SS18L1: variants seen among roughly 807,000 people sequenced by gnomAD.
SS18L1 encodes calcium-responsive transactivator.
Under a neutral mutation model 70.3 loss-of-function variants are expected in SS18L1, and 32 were observed. The observed-to-expected ratio is 0.46, with a 90% CI of 0.34 to 0.61. SS18L1 has a LOEUF of 0.61. Ranked by LOEUF, SS18L1 falls within the 20% of genes least tolerant of loss-of-function variation. The pLI is 0.01. For missense variants in SS18L1, 430 were observed against 542.1 expected (o/e 0.79, Z 2.05); for synonymous variants, 237 against 229.7 (o/e 1.03, Z -0.29).
Position 62,161,696 on chromosome 20 carries a change from A to C in SS18L1, c.376+116A>C, listed in dbSNP as rs111277282. On this transcript the variant is annotated intron_variant, in intron 4 of 10. Coordinates refer to ENST00000331758, the MANE Select transcript of SS18L1 (RefSeq NM_198935.3). The surrounding 1 kb of genome is among the most constrained non-coding windows in gnomAD (Gnocchi z 4.4). ...CCTCACAGGGCTGGGCATGGGACCC[A>C]CTCCTCCTGGGGTAGCCACAGGTCG... 4 of 1,415,126 alleles carry C rather than the reference A, an allele frequency of 2.8e-6. No individual in the cohort carries two copies. Among genetic ancestry groups the C allele is most frequent in the South Asian group, 1.4e-5 (1 of 69,576 alleles). The allele number at this position is 1,415,126 out of a possible 1,614,324, so 87.7% of individuals were successfully genotyped here.
At chr20:62,156,250 G>A (rs1308528068) in intron 1 of SS18L1, among the ~76,000 whole-genome samples, 1 of 152,202 alleles carries the variant, frequency 6.6e-6, no homozygotes, top group Non-Finnish European at 1.5e-5. Context: ...TAGGAGTCAA[G>A]GAGGGGAAGC....
Position 62,165,448 on chromosome 20 carries a change from T to C in SS18L1, c.850T>C (p.Ser284Pro). 1 of 1,613,076 alleles carries C rather than the reference T, an allele frequency of 6.2e-7. No individual in the cohort carries two copies. Among genetic ancestry groups the C allele is most frequent in the Non-Finnish European group, 8.5e-7 (1 of 1,179,844 alleles). Residue 284 changes from serine to proline, a missense_variant, in exon 8 of 11, where the codon TCA becomes CCA. Transcript: ENST00000331758. ...CCATGGCGATTACGCCTACCAGCAG[T>C]CATCCTACACGGAGCAGAGCTACGA... The part of the protein sequence containing the change: ...DGHGDYAYQQ[S>P]SYTEQSYDRS...
intron 4 of SS18L1, chr20:62,162,505 T>C: frequency 2.3e-6 from 1 of 436,714 alleles, no homozygotes; most frequent in Non-Finnish European, 4.1e-6. Flanking sequence ...GGTTTCACCA[T>C]GTTGTCCAGG....
At chr20:62,164,482 T>G (rs1049898169) in intron 7 of SS18L1, among the ~76,000 whole-genome samples, 1 of 152,226 alleles carries the variant, frequency 6.6e-6, no homozygotes, top group Non-Finnish European at 1.5e-5. Context: ...CACACACCGC[T>G]GCACTGGCCT....
rs548073839 is a variant in SS18L1 at position 62,175,113 on chromosome 20, C to T, written c.1164+469C>T. Among the ~76,000 whole-genome samples the T allele has an allele frequency of 3.5e-4, 54 of 152,310 alleles. 1 individual carries two copies. Among genetic ancestry groups the T allele is most frequent in the Admixed American group, 7.8e-4 (12 of 15,304 alleles). Reference sequence around the variant, plus strand: ...GGGGCGCAGGCGACCGCATTTGGCCCGTGTGGGCAATTCCAGGACGAAGAC... The same window carrying T: ...GGGGCGCAGGCGACCGCATTTGGCCTGTGTGGGCAATTCCAGGACGAAGAC... On this transcript the variant is annotated intron_variant, in intron 10 of 10. Coordinates refer to ENST00000331758, the MANE Select transcript of SS18L1 (RefSeq NM_198935.3).
chr20:62,144,008 G>C (rs1480722108), intron 1 of SS18L1, 119 bp downstream of exon 1: 19 of 617,470 alleles, frequency 3.1e-5, no homozygotes, highest in Non-Finnish European at 3.6e-5. Context: ...CAGCCGGGCG[G>C]CCGCGAGCCC....
intron 10 of SS18L1, chr20:62,175,057 G>A: frequency 1.4e-6 from 1 of 739,010 alleles, no homozygotes; most frequent in Non-Finnish European, 1.7e-6. Flanking sequence ...GACAGAGCGG[G>A]GGGCCCCAAA....
intron 8 of SS18L1, among the ~76,000 whole-genome samples, chr20:62,167,296 G>A (rs1344321869): frequency 3.3e-5 from 5 of 149,794 alleles, no homozygotes; most frequent in African/African-American, 9.8e-5. Flanking sequence ...ACCTGCCTCA[G>A]CCTCCCAAAG....
At chr20:62,151,033 G>C (rs1219530585) in intron 1 of SS18L1, among the ~76,000 whole-genome samples, 1 of 152,156 alleles carries the variant, frequency 6.6e-6, no homozygotes, top group Non-Finnish European at 1.5e-5. Context: ...GCCCAGTGTG[G>C]GCTGAGCCAG....
chr20:62,179,425 A>G lies in SS18L1; in HGVS notation c.*217A>G. On this transcript the variant is annotated 3_prime_UTR_variant, in exon 11 of 11. Transcript: ENST00000331758. ...TGGTGTGATACTTTTGGTGCTGTGT[A>G]TAGTATTGTATGTCGGTACACGGAG... is the stretch of plus-strand genomic sequence containing the variant. The G allele has an allele frequency of 3.4e-6, 2 of 596,266 alleles. No individual in the cohort carries two copies. Among genetic ancestry groups the G allele is most frequent in the Non-Finnish European group, 6.0e-6 (2 of 331,824 alleles). 36.9% of individuals were successfully genotyped at this position (596,266 alleles called of 1,614,324 possible).
chr20:62,163,554 G>C lies in SS18L1; in HGVS notation c.653G>C (p.Gly218Ala). Residue 218 changes from glycine to alanine, a missense_variant, in exon 6 of 11, where the codon GGG becomes GCG. Physicochemically the swap from Gly to Ala is moderately conservative, Grantham distance 60. Coordinates refer to ENST00000331758, the MANE Select transcript of SS18L1 (RefSeq NM_198935.3). ...YQGQSSIAMM[G>A]QGSQGSSMMG... is the part of the protein sequence containing the mutation. ...GGCCAGTCGTCCATCGCCATGATGG[G>C]GCAGGGCAGCCAGGGGAGCAGCATG... 2 of 1,610,942 alleles carry C rather than the reference G, an allele frequency of 1.2e-6. No individual in the cohort carries two copies. Among genetic ancestry groups the C allele is most frequent in the Non-Finnish European group, 1.7e-6 (2 of 1,179,718 alleles).
intron 1 of SS18L1, among the ~76,000 whole-genome samples, chr20:62,145,634 C>G (rs1025351518): frequency 6.6e-6 from 1 of 152,228 alleles, no homozygotes; most frequent in African/African-American, 2.4e-5. Context: ...CCCCGAACAT[C>G]AGATCAGAAA....
At position 62,174,851 on chromosome 20, in the gene SS18L1, T is replaced by C; in HGVS notation, c.1164+207T>C. ...CCTCAGTCATCCAGCTGGCTTTTCA[T>C]ACCCTAAGCTCACCGTTAGATCTGC... On this transcript the variant is annotated intron_variant, in intron 10 of 10. Transcript: ENST00000331758. The surrounding 1 kb of genome is among the most constrained non-coding windows in gnomAD (Gnocchi z 4.1). 1 of 1,444,240 alleles carries C rather than the reference T, an allele frequency of 6.9e-7. No individual in the cohort carries two copies. 89.5% of individuals were successfully genotyped at this position (1,444,240 alleles called of 1,614,324 possible).
chr20:62,147,305 G>A (rs1354725622), intron 1 of SS18L1, among the ~76,000 whole-genome samples: 1 of 152,224 alleles, frequency 6.6e-6, no homozygotes, highest in Non-Finnish European at 1.5e-5. Flanking sequence ...CAGAGGACAT[G>A]ACTGTGCTGG....
At position 62,179,898 on chromosome 20, in the gene SS18L1, C is replaced by T. The variant is rs752274593; in HGVS notation, c.*690C>T. The T allele has an allele frequency of 1.4e-4, 32 of 224,416 alleles. No individual in the cohort carries two copies. The highest frequency in any genetic ancestry group is 2.8e-4 in the Non-Finnish European group (31 of 112,664). The allele number at this position is 224,416 out of a possible 1,614,324, so 13.9% of individuals were successfully genotyped here. A position where few individuals can be genotyped will look rare whatever the true frequency, so the allele number is the denominator to read the frequency against. On this transcript the variant is annotated 3_prime_UTR_variant, in exon 11 of 11. Transcript: ENST00000331758. Reference sequence around the variant, plus strand: ...TTTGTATTAAAAAGTAAACAGGGATCAGTGACTGTATTCCAAATAAATATG... The same window carrying T: ...TTTGTATTAAAAAGTAAACAGGGATTAGTGACTGTATTCCAAATAAATATG...
chr20:62,153,990 C>T (rs1402448151), intron 1 of SS18L1, among the ~76,000 whole-genome samples: 9 of 152,224 alleles, frequency 5.9e-5, no homozygotes, highest in African/African-American at 2.2e-4. Context: ...CCTGTGGACA[C>T]GTGTTATTCT....
intron 1 of SS18L1, chr20:62,154,433 G>T: frequency 9.6e-7 from 1 of 1,039,688 alleles, no homozygotes; most frequent in Non-Finnish European, 1.2e-6. Flanking sequence ...TCTCCCTCAG[G>T]ATCAGACCGT....
In SS18L1 at chr20:62,143,780, A is replaced by G. The variant is rs765974922; in HGVS notation, c.-41A>G. ...TCGGGCCGCCCAGCGCAGCCGGAGTATCCACCTCGATGACCACGGGCTGAG... is the reference window on the plus strand; with the variant it reads ...TCGGGCCGCCCAGCGCAGCCGGAGTGTCCACCTCGATGACCACGGGCTGAG... On this transcript the variant is annotated 5_prime_UTR_variant, in exon 1 of 11. Coordinates refer to ENST00000331758, the MANE Select transcript of SS18L1 (RefSeq NM_198935.3). 1 of 1,320,540 alleles carries G rather than the reference A, an allele frequency of 7.6e-7. No individual in the cohort carries two copies. Among genetic ancestry groups the G allele is most frequent in the Non-Finnish European group, 1.0e-6 (1 of 1,003,412 alleles). 81.8% of individuals were successfully genotyped at this position (1,320,540 alleles called of 1,614,324 possible).
At chr20:62,157,104 G>A (rs372402999) in intron 1 of SS18L1, among the ~76,000 whole-genome samples, 11 of 152,090 alleles carry the variant, frequency 7.2e-5, no homozygotes, top group Non-Finnish European at 1.5e-4. Flanking sequence ...GCCCCCAGGT[G>A]GACACCTTGA....
Sources: allele counts gnomAD v4.1 joint callset (sites outside exome capture counted in the v4.1 genomes callset), GRCh38; gene constraint gnomAD v4.1.1; non-coding constraint Gnocchi (gnomAD v3.1); transcripts MANE v1.5; gene names NCBI Gene and HGNC (gene_info 2026-07-23, HGNC 2026-07-21).